Variants in COL24A1 observed in about 807,000 individuals in gnomAD.
COL24A1 encodes the protein collagen alpha-1(XXIV) chain.
COL24A1 carries 224 observed loss-of-function variants against 253.9 expected under a neutral mutation model. The ratio of observed to expected loss-of-function variants is 0.88; its 90% confidence interval spans 0.79 to 0.99. The LOEUF is 0.99. COL24A1 is among the 50% of genes least tolerant of loss of function. The pLI, the probability that COL24A1 is intolerant of heterozygous loss-of-function variation, is 0.00. For synonymous variants in COL24A1, 685 were observed against 673.7 expected (o/e 1.02, Z -0.26); for missense variants, 2,131 against 2,068.5 (o/e 1.03, Z -0.59).
intron 52 of COL24A1, among the ~76,000 whole-genome samples, chr1:85,777,740 A>G (rs957420060): frequency 1.3e-5 from 2 of 152,190 alleles, no homozygotes; most frequent in Non-Finnish European, 2.9e-5. Flanking sequence ...ATCTTTCCAT[A>G]AAGTCTGTAA....
chr1:85,886,541 T>C (rs1425646871), intron 32 of COL24A1, among the ~76,000 whole-genome samples: 5 of 151,844 alleles, frequency 3.3e-5, no homozygotes, highest in African/African-American at 7.3e-5. Context: ...GGCATGCACC[T>C]GTAGTCCCAG....
chr1:86,065,919 T>G (rs572855171), intron 7 of COL24A1, among the ~76,000 whole-genome samples: 1 of 151,532 alleles, frequency 6.6e-6, no homozygotes, highest in Non-Finnish European at 1.5e-5. Context: ...AGAGGAAGAG[T>G]AGGGTCGCTG....
intron 53 of COL24A1, among the ~76,000 whole-genome samples, chr1:85,775,186 T>G (rs1668407921): frequency 6.6e-6 from 1 of 152,134 alleles, no homozygotes; most frequent in Non-Finnish European, 1.5e-5. Flanking sequence ...CAGTTTTGAG[T>G]GAGATTCTTA....
chr1:86,007,418 A>G (rs1035479452), intron 19 of COL24A1, among the ~76,000 whole-genome samples: 1 of 152,204 alleles, frequency 6.6e-6, no homozygotes, highest in South Asian at 2.1e-4. Context: ...AGTTTATTAC[A>G]AAACTAAACA....
intron 45 of COL24A1, among the ~76,000 whole-genome samples, chr1:85,820,495 A>T (rs2101963066): frequency 6.6e-6 from 1 of 152,342 alleles, no homozygotes; most frequent in Non-Finnish European, 1.5e-5. Context: ...AGGAGGGCCA[A>T]GGTAGATGCC....
chr1:86,055,097 T>C (rs1700573598), intron 10 of COL24A1, among the ~76,000 whole-genome samples: 2 of 152,062 alleles, frequency 1.3e-5, no homozygotes, highest in East Asian at 1.9e-4. Context: ...ACATTGGGTA[T>C]ACATGGACAC....
At chr1:85,768,842 T>C (rs981791575) in intron 53 of COL24A1, among the ~76,000 whole-genome samples, 10 of 152,140 alleles carry the variant, frequency 6.6e-5, no homozygotes, top group African/African-American at 2.4e-4. Context: ...CCTATTAACT[T>C]TGTCACTAAG....
At chr1:85,865,628 G>A (rs934504689) in intron 37 of COL24A1, among the ~76,000 whole-genome samples, 11 of 152,140 alleles carry the variant, frequency 7.2e-5, no homozygotes, top group African/African-American at 2.7e-4. Flanking sequence ...TACGGTATAT[G>A]TTTAGACTTT....
intron 47 of COL24A1, among the ~76,000 whole-genome samples, chr1:85,790,097 A>G (rs576186458): frequency 1.1e-4 from 17 of 152,212 alleles, no homozygotes; most frequent in East Asian, 3.9e-4. Context: ...CTTCTTTTCA[A>G]TTGTTTGAAA....
intron 13 of COL24A1, among the ~76,000 whole-genome samples, chr1:86,033,067 T>C (rs1323287813): frequency 6.6e-6 from 1 of 152,200 alleles, no homozygotes; most frequent in Non-Finnish European, 1.5e-5. Context: ...GTTCTACTTT[T>C]ATCTGCTATG....
chr1:86,025,512 T>C (rs1321413606), intron 14 of COL24A1, among the ~76,000 whole-genome samples: 31 of 152,182 alleles, frequency 2.0e-4, no homozygotes, highest in Non-Finnish European at 4.4e-4. Flanking sequence ...ATACACATTG[T>C]CACTAGTCTA....
intron 28 of COL24A1, among the ~76,000 whole-genome samples, chr1:85,898,096 A>C (rs1319836087): frequency 6.6e-6 from 1 of 152,180 alleles, no homozygotes; most frequent in Non-Finnish European, 1.5e-5. Flanking sequence ...AAATATTAAG[A>C]TGTAAGTGTG....
At chr1:85,923,123 T>C (rs1233914775) in intron 24 of COL24A1, among the ~76,000 whole-genome samples, 2 of 152,128 alleles carry the variant, frequency 1.3e-5, no homozygotes, top group African/African-American at 4.8e-5. Context: ...GAGCTAACTA[T>C]CCTAAATATA....
At chr1:85,919,004 A>G (rs1686185699) in intron 24 of COL24A1, among the ~76,000 whole-genome samples, 1 of 152,128 alleles carries the variant, frequency 6.6e-6, no homozygotes, top group Non-Finnish European at 1.5e-5. Flanking sequence ...ATTCTTCTCT[A>G]TGTAACTTCA....
At chr1:85,914,390 T>C (rs1187889144) in intron 24 of COL24A1, among the ~76,000 whole-genome samples, 1 of 151,140 alleles carries the variant, frequency 6.6e-6, no homozygotes, top group African/African-American at 2.4e-5. Context: ...TTTTTTCTTT[T>C]CTTTTTTTTT....
chr1:86,095,332 C>T (rs1198707737), intron 5 of COL24A1, among the ~76,000 whole-genome samples: 1 of 151,984 alleles, frequency 6.6e-6, no homozygotes, highest in East Asian at 1.9e-4. Flanking sequence ...CTGGGCAACA[C>T]ATTTGACACA....
At chr1:85,927,253 G>C (rs1043620745) in intron 24 of COL24A1, among the ~76,000 whole-genome samples, 15 of 152,318 alleles carry the variant, frequency 9.8e-5, no homozygotes, top group Admixed American at 7.2e-4. Context: ...GCAGGGCAAG[G>C]CATTGCCTCA....
chr1:85,945,000 GTGTTTTTTTTT>G lies in COL24A1; in HGVS notation c.2562+16238_2562+16248del, dbSNP rs1415893986. On this transcript the variant is annotated intron_variant, in intron 24 of 59. Transcript: ENST00000370571. ...CATTTTCTTAATCCAGTCTATCATT[GTGTTTTTTTTT>G]TTTTTTTTTTTTTTTTTTTTTTTTG... Among the ~76,000 whole-genome samples the G allele has an allele frequency of 7.5e-4, 27 of 36,128 alleles. 2 individuals are homozygous for G. Among genetic ancestry groups the G allele is most frequent in the Admixed American group, 1.9e-3 (4 of 2,114 alleles). 23.7% of individuals were successfully genotyped at this position (36,128 alleles called of 152,430 possible).
chr1:85,833,608 A>C (rs527418462), intron 43 of COL24A1, among the ~76,000 whole-genome samples: 12 of 152,324 alleles, frequency 7.9e-5, no homozygotes, highest in African/African-American at 2.9e-4. Context: ...CAGCCATCCC[A>C]TTACTGGGTA....
Sources: gnomAD v4.1 joint callset for allele counts (sites outside exome capture counted in the v4.1 genomes callset) on GRCh38, gnomAD v4.1.1 for gene constraint, MANE v1.5 for transcripts, NCBI Gene and HGNC (gene_info 2026-07-23, HGNC 2026-07-21) for gene names.